Variants in PLA2G4B observed in about 807,000 individuals in gnomAD.
PLA2G4B encodes the protein phospholipase A2 group IVB, also known as cytosolic phospholipase A2 beta.
In PLA2G4B, 122 loss-of-function variants were observed where a neutral mutation model predicts 95.8. The ratio of observed to expected loss-of-function variants is 1.27; its 90% confidence interval spans 1.10 to 1.48. PLA2G4B has a LOEUF of 1.48. Among genes scored for constraint, PLA2G4B ranks in the 40% most tolerant of loss-of-function variants. PLA2G4B has a pLI of 0.00. For synonymous variants in PLA2G4B, 518 were observed against 421.5 expected (o/e 1.23, Z -2.80); for missense variants, 1,158 against 996.2 (o/e 1.16, Z -2.19).
chr15:41,841,179 G>C lies in PLA2G4B; in HGVS notation c.393-52G>C, dbSNP rs200733539. 2.8e-4 allele frequency: 450 copies of C among 1,613,956 alleles called. 1 individual carries two copies. Among genetic ancestry groups the C allele is most frequent in the Non-Finnish European group, 3.6e-4 (423 of 1,180,032 alleles). ...GTGCCTGGGGGATGCCCAGGTCTCT[G>C]TGGGGTGGGAACCTGGACTCCTGCT... is the stretch of plus-strand genomic sequence containing the variant. On this transcript the variant is annotated intron_variant, in intron 5 of 19. Transcript: ENST00000458483.
At position 41,844,368 on chromosome 15, in the gene PLA2G4B, T is replaced by C. The variant is rs914172148; in HGVS notation, c.880-103T>C. The C allele has an allele frequency of 4.6e-5, 72 of 1,578,220 alleles. No homozygotes were observed. In the East Asian group the frequency reaches 1.6e-3, roughly 35 times the overall value. ...GGTCCCAAGACCTGTGATCAGGCCT[T>C]AGCTGTGGGCTGGGTGGCCACTTGA... On this transcript the variant is annotated intron_variant, in intron 11 of 19. Transcript: ENST00000458483.
At position 41,845,928 on chromosome 15, in the gene PLA2G4B, C is replaced by G; in HGVS notation, c.1496-15C>G. On this transcript the variant is annotated splice_polypyrimidine_tract_variant and intron_variant, in intron 15 of 19. Transcript: ENST00000458483. ...AAGAGTCGGGGGCCCTCTTCCCTCA[C>G]GGCCGCTCTTTCAGGTATCTGGAGC... 1 of 1,514,882 alleles carries G rather than the reference C, an allele frequency of 6.6e-7. No homozygotes were observed. Among genetic ancestry groups the G allele is most frequent in the African/African-American group, 1.4e-5 (1 of 71,698 alleles). The allele number at this position is 1,514,882 out of a possible 1,614,324, so 93.8% of individuals were successfully genotyped here. A position where few individuals can be genotyped will look rare whatever the true frequency, so the allele number is the denominator to read the frequency against.
At chr15:41,843,592 G>A (rs2065476060) in intron 10 of PLA2G4B, 84 bp from the exon 11 acceptor site, 3 of 1,549,216 alleles carry the variant, frequency 1.9e-6, no homozygotes, top group East Asian at 2.3e-5. Flanking sequence ...GAGGGCAGTA[G>A]GTATTACAGG....
At chr15:41,840,459 G>C in intron 2 of PLA2G4B, 65 bp from the exon 3 acceptor site, 1 of 1,610,096 alleles carries the variant, frequency 6.2e-7, no homozygotes, top group Non-Finnish European at 8.5e-7. Flanking sequence ...GGTGATGGAA[G>C]GAAGTGGGTC....
At position 41,843,889 on chromosome 15, in the gene PLA2G4B, G is replaced by C. The variant is rs1376446913; in HGVS notation, c.879+78G>C. 3 of 1,559,528 alleles carry C rather than the reference G, an allele frequency of 1.9e-6. No individual in the cohort carries two copies. In the African/African-American group the frequency reaches 4.1e-5, roughly 21 times the overall value. The stretch of plus-strand genomic sequence containing the variant: ...CTGGTGCTGAACACTGGAGCTGCTT[G>C]TCCCCGATCTAGACCAGAGCTCGTA... On this transcript the variant is annotated intron_variant, in intron 11 of 19. Coordinates refer to ENST00000458483, the MANE Select transcript of PLA2G4B (RefSeq NM_001114633.2).
Position 41,845,303 on chromosome 15 carries a change from C to A in PLA2G4B, c.1340C>A (p.Thr447Asn). Residue 447 changes from threonine (T) to asparagine (N), a missense_variant, in exon 14 of 20, where the codon ACC (threonine) becomes AAC (asparagine). By Grantham distance (65) the Thr-to-Asn change is moderately conservative. Transcript: ENST00000458483. ...CALNTKGQSL[T>N]TFEFGEWCEF... Reference sequence around the variant, plus strand: ...CTCAACACCAAAGGGCAGAGCCTGACCACTTTTGAATTTGGGGGTGAGTGG... The same window carrying A: ...CTCAACACCAAAGGGCAGAGCCTGAACACTTTTGAATTTGGGGGTGAGTGG... 1 of 1,614,042 alleles carries A rather than the reference C, an allele frequency of 6.2e-7. No individual in the cohort carries two copies. Among genetic ancestry groups the A allele is most frequent in the Non-Finnish European group, 8.5e-7 (1 of 1,179,944 alleles).
chr15:41,840,787 T>C lies in PLA2G4B; in HGVS notation c.233T>C (p.Leu78Pro). 1 of 1,613,848 alleles carries C rather than the reference T, an allele frequency of 6.2e-7. No homozygotes were observed. Among genetic ancestry groups the C allele is most frequent in the Non-Finnish European group, 8.5e-7 (1 of 1,179,820 alleles). The part of the protein sequence containing the change: ...IHRQLKNVME[L>P]KVFDQDLVTG... ...TTTCCCCTCCAGAATGTCATGGAACTGAAAGTCTTTGACCAGGACCTGGTG... is the reference window on the plus strand; with the variant it reads ...TTTCCCCTCCAGAATGTCATGGAACCGAAAGTCTTTGACCAGGACCTGGTG... The change falls in exon 4 of 20, where the codon CTG (leucine) becomes CCG (proline). Residue 78 changes from leucine to proline, a missense_variant. Physicochemically the swap from Leu to Pro is moderately conservative, Grantham distance 98 (BLOSUM62 -3). Transcript: ENST00000458483.
rs1387124034 is a variant in PLA2G4B at position 41,845,277 on chromosome 15, C to T, written c.1314C>T (p.Ala438=). The change falls in exon 14 of 20, where the codon GCC becomes GCT. Residue 438 remains alanine, a synonymous_variant. Coordinates refer to ENST00000458483, the MANE Select transcript of PLA2G4B (RefSeq NM_001114633.2). Reference sequence around the variant, plus strand: ...AGAACCCTCTGCCCATCTACTGTGCCCTCAACACCAAAGGGCAGAGCCTGA... The same window carrying T: ...AGAACCCTCTGCCCATCTACTGTGCTCTCAACACCAAAGGGCAGAGCCTGA... The part of the protein sequence containing the change: ...HGQNPLPIYC[A]LNTKGQSLTT... The T allele has an allele frequency of 2.5e-6, 4 of 1,614,170 alleles. No individual in the cohort carries two copies. Among genetic ancestry groups the T allele is most frequent in the South Asian group, 1.1e-5 (1 of 91,074 alleles).
intron 11 of PLA2G4B, 28 bp from the exon 12 acceptor site, chr15:41,844,443 C>G (rs2065493744): frequency 6.2e-7 from 1 of 1,613,934 alleles, no homozygotes; most frequent in Non-Finnish European, 8.5e-7. Context: ...CCTAGGGCCT[C>G]TACAGGCCTG....
At position 41,845,007 on chromosome 15, in the gene PLA2G4B, G is replaced by A. The variant is rs1431157197; in HGVS notation, c.1176G>A (p.Leu392=). The change falls in exon 13 of 20, where the codon TTG becomes TTA. Residue 392 remains leucine (L), a synonymous_variant. Coordinates refer to ENST00000458483, the MANE Select transcript of PLA2G4B (RefSeq NM_001114633.2). ...AGGAGCTGGCCGAGCGTGCCCGCTTGGGCTACCCAAGCTGCTTCACCAACC... is the reference window on the plus strand; with the variant it reads ...AGGAGCTGGCCGAGCGTGCCCGCTTAGGCTACCCAAGCTGCTTCACCAACC... The part of the protein sequence containing the change: ...YRQELAERAR[L]GYPSCFTNLW... The A allele has an allele frequency of 6.2e-7, 1 of 1,606,356 alleles. No individual in the cohort carries two copies. Among genetic ancestry groups the A allele is most frequent in the Non-Finnish European group, 8.5e-7 (1 of 1,176,756 alleles).
In PLA2G4B at chr15:41,842,295, A is replaced by G. The variant is rs2065446820; in HGVS notation, c.705+19A>G. On this transcript the variant is annotated intron_variant, in intron 9 of 19. Coordinates refer to ENST00000458483, the MANE Select transcript of PLA2G4B (RefSeq NM_001114633.2). Reference sequence around the variant, plus strand: ...GTCCCAGGTACTGGCCTCCCAGGGAAGGAAGCAAGGCGCCTGGATGGGGCT... The same window carrying G: ...GTCCCAGGTACTGGCCTCCCAGGGAGGGAAGCAAGGCGCCTGGATGGGGCT... 6 of 1,613,496 alleles carry G rather than the reference A, an allele frequency of 3.7e-6. No homozygotes were observed. Among genetic ancestry groups the G allele is most frequent in the African/African-American group, 1.3e-5 (1 of 75,022 alleles).
Position 41,844,957 on chromosome 15 carries a change from C to A in PLA2G4B, c.1126C>A (p.Pro376Thr), listed in dbSNP as rs746511859. Residue 376 changes from proline (P) to threonine (T), a missense_variant, in exon 13 of 20, where the codon CCC (proline) becomes ACC (threonine). By Grantham distance (38) the Pro-to-Thr change is conservative (BLOSUM62 -1). Coordinates refer to ENST00000458483, the MANE Select transcript of PLA2G4B (RefSeq NM_001114633.2). ...VTKNKLGVLA[P>T]SQLQRYRQEL... ...CAAGAACAAGCTGGGTGTGCTGGCC[C>A]CCAGCCAGCTGCAGCGGTACCGGCA... 6.2e-7 allele frequency: 1 copy of A among 1,611,884 alleles called. No individual in the cohort carries two copies. The highest frequency in any genetic ancestry group is 8.5e-7 in the Non-Finnish European group (1 of 1,179,248).
chr15:41,841,697 G>A (rs2065434571), intron 7 of PLA2G4B, 122 bp from the exon 8 acceptor site: 2 of 1,561,682 alleles, frequency 1.3e-6, no homozygotes, highest in South Asian at 2.4e-5. Context: ...TGTGGTGGGG[G>A]ATCCATCTCC....
Position 41,846,212 on chromosome 15 carries a change from A to G in PLA2G4B, c.1610A>G (p.Gln537Arg), listed in dbSNP as rs747920378. 6.5e-5 allele frequency: 105 copies of G among 1,613,632 alleles called. No individual in the cohort carries two copies. Among genetic ancestry groups the G allele is most frequent in the Non-Finnish European group, 8.8e-5 (104 of 1,179,806 alleles). ...VRNQANLDKE[Q>R]VPLLKIEEPP... ...CACCTTGCCTGTGTAGACAAGGAGC[A>G]GGTCCCCCTTCTGAAGATAGAAGAA... The change falls in exon 17 of 20, where the codon CAG becomes CGG. Residue 537 changes from glutamine (Q) to arginine (R), a missense_variant. Coordinates refer to ENST00000458483, the MANE Select transcript of PLA2G4B (RefSeq NM_001114633.2).
rs1306039776 is a variant in PLA2G4B, at chr15:41,841,834, T to A, written c.506T>A (p.Val169Asp). Reference protein sequence around the residue: ...TGDQKSSEHRVQLVVPGSCEG... With the variant: ...TGDQKSSEHRDQLVVPGSCEG... ...CTGTTTCCAGCCTCAGAGCACAGAG[T>A]TCAGCTTGTGGTTCCTGGGTCCTGT... is the stretch of plus-strand genomic sequence containing the variant. The change falls in exon 8 of 20, where the codon GTT becomes GAT. Residue 169 changes from valine (V) to aspartate (D), a missense_variant. Transcript: ENST00000458483. The A allele has an allele frequency of 1.2e-6, 2 of 1,613,470 alleles. No individual in the cohort carries two copies. Among genetic ancestry groups the A allele is most frequent in the Non-Finnish European group, 8.5e-7 (1 of 1,179,858 alleles).
At position 41,839,173 on chromosome 15, in the gene PLA2G4B, GGAGACTCA is replaced by G. The variant is rs1261193491; in HGVS notation, c.9+255_9+262del. On this transcript the variant is annotated intron_variant, in intron 1 of 19. Coordinates refer to ENST00000458483, the MANE Select transcript of PLA2G4B (RefSeq NM_001114633.2). ...CCCTGGCACCACAGATTTGGGCCCT[GGAGACTCA>G]GAGGCTCCCAGCTGCCGCCCTGAGG... The G allele has an allele frequency of 1.0e-5, 4 of 383,170 alleles. No homozygotes were observed. In the East Asian group the frequency reaches 1.9e-4, roughly 18 times the overall value. 23.7% of individuals were successfully genotyped at this position (383,170 alleles called of 1,614,324 possible).
At position 41,846,223 on chromosome 15, in the gene PLA2G4B, C is replaced by G; in HGVS notation, c.1621C>G (p.Leu541Val). 1 of 1,613,938 alleles carries G rather than the reference C, an allele frequency of 6.2e-7. No homozygotes were observed. Among genetic ancestry groups the G allele is most frequent in the Non-Finnish European group, 8.5e-7 (1 of 1,179,930 alleles). Reference sequence around the variant, plus strand: ...TGTAGACAAGGAGCAGGTCCCCCTTCTGAAGATAGAAGAACCACCCTCAAC... The same window carrying G: ...TGTAGACAAGGAGCAGGTCCCCCTTGTGAAGATAGAAGAACCACCCTCAAC... Reference protein sequence around the residue: ...ANLDKEQVPLLKIEEPPSTAG... With the variant: ...ANLDKEQVPLVKIEEPPSTAG... The change falls in exon 17 of 20, where the codon CTG becomes GTG. Residue 541 changes from leucine (L) to valine (V), a missense_variant. Transcript: ENST00000458483.
At chr15:41,841,349 C>A in intron 6 of PLA2G4B, 76 bp downstream of exon 6, 1 of 1,610,642 alleles carries the variant, frequency 6.2e-7, no homozygotes, top group Non-Finnish European at 8.5e-7. Flanking sequence ...AGGTACAGGC[C>A]CACCGCTGCC....
At chr15:41,840,709 GCC>G in intron 3 of PLA2G4B, 49 bp downstream of exon 3, 2 of 1,605,914 alleles carry the variant, frequency 1.2e-6, no homozygotes, top group Non-Finnish European at 1.7e-6. Context: ...GCCAGCCACT[GCC>G]GCTGCCCTGC....
Sources: gnomAD v4.1 joint callset for allele counts on GRCh38, gnomAD v4.1.1 for gene constraint, MANE v1.5 for transcripts, NCBI Gene and HGNC (gene_info 2026-07-23, HGNC 2026-07-21) for gene names.